The following CCDC30 variants were observed in gnomAD, a reference collection of about 807,000 sequenced individuals.
CCDC30 encodes the protein coiled-coil domain containing 30.
A neutral mutation model predicts 100.2 loss-of-function variants in CCDC30; 70 were observed. The ratio of observed to expected loss-of-function variants is 0.70; its 90% confidence interval spans 0.58 to 0.85. The LOEUF is 0.85. Among genes scored for constraint, CCDC30 ranks in the 40% least tolerant of loss-of-function variants. CCDC30 has a pLI of 0.00. For missense variants in CCDC30, 652 were observed against 771.2 expected, an observed-to-expected ratio of 0.85 and a Z score of 1.83; for synonymous variants, 233 against 269.5, an observed-to-expected ratio of 0.86 and a Z score of 1.33.
chr1:42,617,688 A>G (rs1424227051), intron 11 of CCDC30, among the ~76,000 whole-genome samples: 1 of 152,198 alleles, frequency 6.6e-6, no homozygotes, highest in Non-Finnish European at 1.5e-5. Flanking sequence ...GCACTGAGTC[A>G]GTTCCTGGGT....
chr1:42,539,149 T>G (rs759278910), intron 6 of CCDC30, 24 bp from the exon 8 acceptor site: 1 of 1,531,466 alleles, frequency 6.5e-7, no homozygotes, highest in African/African-American at 1.4e-5. Flanking sequence ...TTTATTCTAC[T>G]AAATGTCTTC....
At chr1:42,626,405 G>A (rs967967864) in intron 11 of CCDC30, among the ~76,000 whole-genome samples, 6 of 151,926 alleles carry the variant, frequency 3.9e-5, no homozygotes, top group Non-Finnish European at 5.9e-5. Flanking sequence ...TTTCTTATTT[G>A]TTTTCTGGTT....
At chr1:42,637,353 G>T in exon 12 of CCDC30, 1 of 1,602,716 alleles carries the variant, frequency 6.2e-7, no homozygotes. Context: ...GATGAAATTG[G>T]AATCCTGCAA....
chr1:42,486,901 C>T (rs1040421860), intron 3 of CCDC30, among the ~76,000 whole-genome samples: 1 of 152,050 alleles, frequency 6.6e-6, no homozygotes, highest in Non-Finnish European at 1.5e-5. Flanking sequence ...TAAAAGAAGT[C>T]AGATGCAAAA....
intron 10 of CCDC30, among the ~76,000 whole-genome samples, chr1:42,608,034 C>T (rs184793140): frequency 1.3e-5 from 2 of 151,328 alleles, no homozygotes; most frequent in Non-Finnish European, 2.9e-5. Context: ...AGGGATCATA[C>T]GGCCCTTTAA....
At chr1:42,579,952 C>CAAAAAAA (rs1243023332) in intron 8 of CCDC30, among the ~76,000 whole-genome samples, 1 of 132,374 alleles carries the variant, frequency 7.6e-6, no homozygotes, top group African/African-American at 3.1e-5. Flanking sequence ...AAAAAAAAAC[C>CAAAAAAA]TCTCATATAT....
chr1:42,605,718 C>A (rs1413936052), intron 10 of CCDC30, among the ~76,000 whole-genome samples: 1 of 152,084 alleles, frequency 6.6e-6, no homozygotes, highest in East Asian at 1.9e-4. Flanking sequence ...AACTCCTGGG[C>A]TCAAGTGATC....
At chr1:42,514,332 A>G (rs551254971) in intron 6 of CCDC30, among the ~76,000 whole-genome samples, 2 of 152,218 alleles carry the variant, frequency 1.3e-5, no homozygotes, top group South Asian at 2.1e-4. Context: ...CTGTTTTCCA[A>G]TGAAGATGTA....
downstream of CCDC30, among the ~76,000 whole-genome samples, chr1:42,656,369 G>A (rs556462852): frequency 2.0e-4 from 30 of 152,240 alleles, no homozygotes; most frequent in South Asian, 2.9e-3. Flanking sequence ...GGTGGCTCAC[G>A]CCTATAATCC....
chr1:42,485,704 G>A (rs1644038155), intron 3 of CCDC30, among the ~76,000 whole-genome samples: 1 of 152,046 alleles, frequency 6.6e-6, no homozygotes. Flanking sequence ...GAAGATATGT[G>A]AATGACCAAC....
intron 4 of CCDC30, chr1:42,491,855 C>T: frequency 2.7e-6 from 1 of 375,322 alleles, no homozygotes; most frequent in South Asian, 3.3e-5. Flanking sequence ...TTGCTATGTT[C>T]AATATAAGAA....
intron 15 of CCDC30, among the ~76,000 whole-genome samples, chr1:42,648,564 G>T (rs964635324): frequency 2.0e-5 from 3 of 152,226 alleles, no homozygotes; most frequent in South Asian, 2.1e-4. Flanking sequence ...CAGCTACTTG[G>T]GAGGCTGAGG....
At chr1:42,534,185 A>G (rs367859147) in intron 6 of CCDC30, among the ~76,000 whole-genome samples, 3 of 152,118 alleles carry the variant, frequency 2.0e-5, no homozygotes, top group East Asian at 1.9e-4. Flanking sequence ...ATTGAAATAC[A>G]TGACATTCTT....
At chr1:42,476,649 C>T (rs546245230) in intron 1 of CCDC30, among the ~76,000 whole-genome samples, 14 of 150,086 alleles carry the variant, frequency 9.3e-5, no homozygotes, top group Non-Finnish European at 1.8e-4. Flanking sequence ...GAGATTGTGC[C>T]GTTGCACTCC....
At chr1:42,634,731 C>T (rs572235668) in intron 11 of CCDC30, among the ~76,000 whole-genome samples, 18 of 152,222 alleles carry the variant, frequency 1.2e-4, no homozygotes, top group African/African-American at 4.3e-4. Context: ...ACAATTCACT[C>T]GTTTAAAGTG....
At chr1:42,492,398 T>C in intron 4 of CCDC30, 1 of 195,748 alleles carries the variant, frequency 5.1e-6, no homozygotes, top group South Asian at 8.6e-5. Flanking sequence ...TTTGGGAAAA[T>C]TCATGAAGGT....
intron 10 of CCDC30, among the ~76,000 whole-genome samples, chr1:42,606,168 A>G (rs1270211879): frequency 6.6e-6 from 1 of 152,260 alleles, no homozygotes; most frequent in East Asian, 1.9e-4. Flanking sequence ...GAGAAAGGTA[A>G]ACAAATGTAA....
chr1:42,582,571 C>T (rs1645989513), intron 9 of CCDC30, among the ~76,000 whole-genome samples: 1 of 152,130 alleles, frequency 6.6e-6, no homozygotes, highest in South Asian at 2.1e-4. Flanking sequence ...GTGAAGCTTT[C>T]CCAGGGATTT....
chr1:42,640,680 G>GGTCA (rs3044856), intron 12 of CCDC30, among the ~76,000 whole-genome samples: 32,473 of 151,790 alleles, frequency 0.21, 3,940 homozygotes, highest in Non-Finnish European at 0.26. Flanking sequence ...CATCATCTGA[G>GGTCA]GTCAGGAGTT....
Sources: gnomAD v4.1 joint callset for allele counts (sites outside exome capture counted in the v4.1 genomes callset) on GRCh38, gnomAD v4.1.1 for gene constraint, MANE v1.5 for transcripts, NCBI Gene and HGNC (gene_info 2026-07-23, HGNC 2026-07-21) for gene names.